Variants in CDC14A observed in about 807,000 individuals in gnomAD.
CDC14A encodes the protein dual specificity protein phosphatase CDC14A.
In CDC14A, 53 loss-of-function variants were observed where a neutral mutation model predicts 74.4. The observed-to-expected ratio is 0.71, with a 90% CI of 0.57 to 0.89. The LOEUF (loss-of-function observed/expected upper bound fraction) is 0.89. CDC14A is among the 40% of genes least tolerant of loss of function. The pLI, the probability that CDC14A is intolerant of heterozygous loss-of-function variation, is 0.00. For missense variants in CDC14A, 646 were observed against 713.7 expected (o/e 0.91, Z 1.08); for synonymous variants, 247 against 258.4 (o/e 0.96, Z 0.43).
intron 8 of CDC14A, among the ~76,000 whole-genome samples, chr1:100,458,453 T>C (rs1368286123): frequency 6.6e-6 from 1 of 152,226 alleles, no homozygotes; most frequent in African/African-American, 2.4e-5. Context: ...AATCTGAAAG[T>C]ACATTTATCT....
intron 4 of CDC14A, among the ~76,000 whole-genome samples, chr1:100,422,329 A>G (rs554603629): frequency 1.3e-5 from 2 of 152,226 alleles, no homozygotes; most frequent in East Asian, 3.9e-4. Context: ...TGGGGAGGAA[A>G]ATGCATTTTT....
At chr1:100,453,321 A>G (rs1666334318) in intron 7 of CDC14A, among the ~76,000 whole-genome samples, 1 of 152,212 alleles carries the variant, frequency 6.6e-6, no homozygotes, top group Admixed American at 6.5e-5. Context: ...TATCTAACCT[A>G]CTTGGTGGTC....
At chr1:100,480,631 A>G (rs1669354733) in intron 10 of CDC14A, among the ~76,000 whole-genome samples, 1 of 152,210 alleles carries the variant, frequency 6.6e-6, no homozygotes, top group South Asian at 2.1e-4. Context: ...CGAGGGGTCC[A>G]GTTTCTCTGT....
chr1:100,375,962 G>A (rs1288062652), intron 2 of CDC14A, among the ~76,000 whole-genome samples: 3 of 152,162 alleles, frequency 2.0e-5, no homozygotes, highest in African/African-American at 4.8e-5. Flanking sequence ...GGAATACTAT[G>A]CAGCCATAAA....
In CDC14A at chr1:100,509,362, G is replaced by A. The variant is rs375551270; in HGVS notation, c.1756-8889G>A. Among the ~76,000 whole-genome samples, 12 of 152,240 alleles carry A rather than the reference G, an allele frequency of 7.9e-5. No homozygotes were observed. The East Asian group carries it at 9.6e-4, about 12-fold the overall frequency. On this transcript the variant is annotated intron_variant, in intron 15 of 15. Coordinates refer to ENST00000336454, the MANE Select transcript of CDC14A (RefSeq NM_003672.4). ...AGAGTCACCTATCTTGTGGATGTGG[G>A]CCTTGAATCCCCACTGAATTCCTTG...
intron 4 of CDC14A, among the ~76,000 whole-genome samples, chr1:100,415,999 G>A (rs2101055232): frequency 6.6e-6 from 1 of 152,314 alleles, no homozygotes; most frequent in East Asian, 1.9e-4. Context: ...TTGTGTTTGT[G>A]TATCACAATT....
At chr1:100,501,868 T>C (rs1419486244) in intron 15 of CDC14A, among the ~76,000 whole-genome samples, 2 of 152,104 alleles carry the variant, frequency 1.3e-5, no homozygotes, top group East Asian at 3.8e-4. Flanking sequence ...GTCTTCATTT[T>C]AAACAAAAAA....
chr1:100,449,926 C>G (rs1557771964), intron 7 of CDC14A, among the ~76,000 whole-genome samples: 1 of 152,044 alleles, frequency 6.6e-6, no homozygotes, highest in Non-Finnish European at 1.5e-5. Flanking sequence ...CAGTAATATT[C>G]CAAGGGACAA....
chr1:100,352,676 A>AGCAGCAGCT lies in CDC14A; in HGVS notation c.-270_-262dup. The stretch of plus-strand genomic sequence containing the variant: ...CGTTTCCCAGGCGCGGCGGCGGCGG[A>AGCAGCAGCT]GCAGCAGCTGCAGCAGCCGAGTCCA... On this transcript the variant is annotated 5_prime_UTR_variant, in exon 1 of 16. Transcript: ENST00000336454. 7.7e-7 allele frequency: 1 copy of AGCAGCAGCT among 1,303,484 alleles called. No homozygotes were observed. Among genetic ancestry groups the AGCAGCAGCT allele is most frequent in the Non-Finnish European group, 9.7e-7 (1 of 1,027,920 alleles). The allele number at this position is 1,303,484 out of a possible 1,614,324, so 80.7% of individuals were successfully genotyped here.
At chr1:100,407,245 G>A (rs750734679) in intron 4 of CDC14A, among the ~76,000 whole-genome samples, 1 of 152,092 alleles carries the variant, frequency 6.6e-6, no homozygotes, top group Non-Finnish European at 1.5e-5. Context: ...AAGAATGTCA[G>A]TGGCAGTTTA....
intron 4 of CDC14A, among the ~76,000 whole-genome samples, chr1:100,401,909 A>G (rs144126249): frequency 0.066 from 10,016 of 152,048 alleles, 676 homozygotes; most frequent in African/African-American, 0.17. Flanking sequence ...ATGGTGGCAC[A>G]TGCCTGTAAT....
exon 1 of CDC14A, chr1:100,345,024 G>A (rs1253066577): frequency 6.6e-6 from 1 of 152,196 alleles, no homozygotes; most frequent in African/African-American, 2.4e-5. Flanking sequence ...ACGTGAGTGA[G>A]AGCAGGGGAA....
chr1:100,506,413 A>T (rs769589941), intron 15 of CDC14A, among the ~76,000 whole-genome samples: 5 of 151,662 alleles, frequency 3.3e-5, no homozygotes, highest in Non-Finnish European at 5.9e-5. Flanking sequence ...CAACATTGCG[A>T]TTTTTTTTCC....
intron 11 of CDC14A, 67 bp downstream of exon 11, chr1:100,484,518 C>T (rs1390444318): frequency 6.6e-7 from 1 of 1,509,524 alleles, no homozygotes; most frequent in Non-Finnish European, 8.8e-7. Context: ...TCAGTTGGAC[C>T]TATATAACAT....
intron 2 of CDC14A, among the ~76,000 whole-genome samples, chr1:100,373,472 A>G (rs1385114972): frequency 6.6e-6 from 1 of 152,240 alleles, no homozygotes; most frequent in East Asian, 1.9e-4. Context: ...AAACAGAGAC[A>G]TGAAGTGAGC....
intron 5 of CDC14A, among the ~76,000 whole-genome samples, chr1:100,424,578 C>A (rs1205921504): frequency 1.3e-5 from 2 of 152,130 alleles, no homozygotes; most frequent in African/African-American, 2.4e-5. Context: ...CATTTATAAG[C>A]TAATAATCAT....
intron 10 of CDC14A, among the ~76,000 whole-genome samples, chr1:100,472,662 A>G (rs1465120975): frequency 1.3e-5 from 2 of 149,546 alleles, no homozygotes; most frequent in Admixed American, 6.6e-5. Context: ...ATGATTTCTC[A>G]TATTTTTTTT....
chr1:100,448,944 C>A (rs574744751), intron 7 of CDC14A, among the ~76,000 whole-genome samples: 44 of 152,296 alleles, frequency 2.9e-4, no homozygotes, highest in African/African-American at 1.0e-3. Context: ...GTGCCTCATT[C>A]TGCAGAAGTT....
chr1:100,467,601 C>A (rs988276764), intron 9 of CDC14A, among the ~76,000 whole-genome samples: 3 of 152,096 alleles, frequency 2.0e-5, no homozygotes, highest in Non-Finnish European at 4.4e-5. Flanking sequence ...ACCCTCATCC[C>A]TTTCCACCCT....
Sources: allele counts gnomAD v4.1 joint callset (sites outside exome capture counted in the v4.1 genomes callset), GRCh38; gene constraint gnomAD v4.1.1; transcripts MANE v1.5; gene names NCBI Gene and HGNC (gene_info 2026-07-23, HGNC 2026-07-21).